PRELID2: variants seen among roughly 807,000 people sequenced by gnomAD.
PRELID2 encodes PRELI domain-containing protein 2.
PRELID2 carries 25 observed loss-of-function variants against 28.4 expected under a neutral mutation model. The ratio of observed to expected loss-of-function variants is 0.88; its 90% CI spans 0.64 to 1.23. PRELID2 has a LOEUF of 1.23. PRELID2 is among the 50% of genes most tolerant of loss of function. PRELID2 has a pLI of 0.00. For synonymous variants in PRELID2, 76 were observed against 71.6 expected (o/e 1.06, Z -0.31); for missense variants, 201 against 214.4 (o/e 0.94, Z 0.39).
chr5:145,640,412 C>A, intron 1 of PRELID2, among the ~76,000 whole-genome samples: 1 of 146,450 alleles, frequency 6.8e-6, no homozygotes, highest in Non-Finnish European at 1.5e-5. Context: ...GGAGGCGGAG[C>A]TTGCAGTGAG....
chr5:145,468,923 G>A (rs1482453192), downstream of PRELID2, among the ~76,000 whole-genome samples: 1 of 152,098 alleles, frequency 6.6e-6, no homozygotes, highest in Non-Finnish European at 1.5e-5. Context: ...AGTTTAATTA[G>A]ATCCCATTTG....
At chr5:145,412,521 T>C in the PRELID2 span, among the ~76,000 whole-genome samples, 1 of 152,198 alleles carries the variant, frequency 6.6e-6, no homozygotes, top group African/African-American at 2.4e-5. Context: ...AACAAGTCTC[T>C]AGGACATTCC....
chr5:145,367,544 T>G, the PRELID2 span, among the ~76,000 whole-genome samples: 1 of 151,928 alleles, frequency 6.6e-6, no homozygotes, highest in South Asian at 2.1e-4. Flanking sequence ...TAATGACATG[T>G]AGCCACCATT....
chr5:145,685,622 A>G (rs1458667038), intron 1 of PRELID2, among the ~76,000 whole-genome samples: 3 of 152,156 alleles, frequency 2.0e-5, no homozygotes, highest in Non-Finnish European at 4.4e-5. Context: ...GTGCTATAAA[A>G]CATTGTCTAT....
the PRELID2 span, among the ~76,000 whole-genome samples, chr5:145,336,989 C>A: frequency 1.4e-5 from 2 of 148,030 alleles, no homozygotes; most frequent in Non-Finnish European, 1.5e-5. Flanking sequence ...GGAGGGATAG[C>A]TTTAGGGCAT....
At chr5:145,743,963 C>G (rs1756915763) in intron 1 of PRELID2, among the ~76,000 whole-genome samples, 1 of 152,230 alleles carries the variant, frequency 6.6e-6, no homozygotes, top group South Asian at 2.1e-4. Flanking sequence ...ATCTCCATAG[C>G]CCCAGGCCAT....
chr5:145,740,663 A>C (rs1382413880), intron 1 of PRELID2, among the ~76,000 whole-genome samples: 4 of 94,908 alleles, frequency 4.2e-5, no homozygotes, highest in Non-Finnish European at 7.8e-5. Flanking sequence ...TATATAAATA[A>C]AATAAATATA....
chr5:145,423,498 A>G, the PRELID2 span, among the ~76,000 whole-genome samples: 19 of 151,104 alleles, frequency 1.3e-4, no homozygotes, highest in Non-Finnish European at 2.4e-4. Context: ...ATCTTCCATC[A>G]CTGATACCCT....
rs1757295939 is a variant in PRELID2, at chr5:145,757,589, A to C, written c.*2947T>G. 6.6e-6 allele frequency among the ~76,000 whole-genome samples: 1 copy of C among 152,152 alleles called. No homozygotes were observed. The highest frequency in any genetic ancestry group is 6.6e-5 in the Admixed American group (1 of 15,262). On this transcript the variant is annotated 3_prime_UTR_variant, in exon 7 of 7. Coordinates refer to ENST00000683046, the MANE Select transcript of PRELID2 (RefSeq NM_205846.3). ...GGTTTTGACATTTCTTAAGCTACAC[A>C]GTACAGAATAAAAAACATGGACTTC...
At chr5:145,427,089 T>C in the PRELID2 span, among the ~76,000 whole-genome samples, 1 of 152,236 alleles carries the variant, frequency 6.6e-6, no homozygotes, top group African/African-American at 2.4e-5. Flanking sequence ...ATAGACTCTT[T>C]CAAGCTAATT....
the PRELID2 span, among the ~76,000 whole-genome samples, chr5:145,415,737 A>G: frequency 1.3e-5 from 2 of 151,936 alleles, no homozygotes; most frequent in Admixed American, 6.6e-5. Flanking sequence ...GCCACAATAA[A>G]CATATGTGTG....
At chr5:145,511,892 G>T (rs13155471) in intron 1 of PRELID2, among the ~76,000 whole-genome samples, 30,157 of 152,158 alleles carry the variant, frequency 0.2, 3,102 homozygotes, top group South Asian at 0.35. Flanking sequence ...ACGAGAGAGA[G>T]ATTATGCTAG....
At chr5:145,812,649 T>A (rs1179637552) in intron 4 of PRELID2, among the ~76,000 whole-genome samples, 3 of 296 alleles carry the variant, frequency 0.01, no homozygotes, top group Admixed American at 0.1. Flanking sequence ...ATTGTCTGAG[T>A]CAGGTTTCTG....
chr5:145,645,720 A>C (rs1488836034), intron 1 of PRELID2, among the ~76,000 whole-genome samples: 1 of 151,636 alleles, frequency 6.6e-6, no homozygotes, highest in African/African-American at 2.4e-5. Flanking sequence ...CTCTTGTGTC[A>C]GGCCTGGTGA....
chr5:145,537,060 C>G (rs1028770772), intron 1 of PRELID2, among the ~76,000 whole-genome samples: 2 of 151,808 alleles, frequency 1.3e-5, no homozygotes, highest in Non-Finnish European at 2.9e-5. Context: ...AATTTTAAAT[C>G]AACTAGAATC....
At chr5:145,562,072 G>A (rs747171488) in intron 1 of PRELID2, among the ~76,000 whole-genome samples, 4 of 152,178 alleles carry the variant, frequency 2.6e-5, no homozygotes, top group Admixed American at 6.5e-5. Context: ...TTTATAGTTT[G>A]TGGATTAGAT....
At chr5:145,544,190 T>C (rs1024776112) in intron 1 of PRELID2, among the ~76,000 whole-genome samples, 1 of 152,064 alleles carries the variant, frequency 6.6e-6, no homozygotes, top group Non-Finnish European at 1.5e-5. Context: ...TTCACGCCCA[T>C]GTCCACTATG....
chr5:145,585,591 A>C (rs1458830862), intron 1 of PRELID2, among the ~76,000 whole-genome samples: 1 of 152,138 alleles, frequency 6.6e-6, no homozygotes, highest in Non-Finnish European at 1.5e-5. Context: ...CATACCTCAC[A>C]GGGTTATTTT....
intron 1 of PRELID2, among the ~76,000 whole-genome samples, chr5:145,643,959 T>C (rs933646382): frequency 2.0e-5 from 3 of 152,194 alleles, no homozygotes; most frequent in African/African-American, 7.2e-5. Flanking sequence ...ATCAGTGATA[T>C]TGGCCTGAAA....
Sources: allele counts gnomAD v4.1 joint callset (sites outside exome capture counted in the v4.1 genomes callset), GRCh38; gene constraint gnomAD v4.1.1; transcripts MANE v1.5; gene names NCBI Gene and HGNC (gene_info 2026-07-23, HGNC 2026-07-21).